The following AVEN variants were observed in gnomAD, a reference collection of about 807,000 sequenced individuals.
AVEN encodes the protein apoptosis and caspase activation inhibitor.
A neutral mutation model predicts 38.1 loss-of-function variants in AVEN; 41 were observed. That is an observed-to-expected ratio of 1.08 (90% CI 0.84 to 1.40). The LOEUF (loss-of-function observed/expected upper bound fraction) is 1.40. AVEN is among the 40% of genes most tolerant of loss of function. AVEN has a pLI of 0.00. For synonymous variants in AVEN, 206 were observed against 171.8 expected (o/e 1.20, Z -1.56); for missense variants, 605 against 438.8 (o/e 1.38, Z -3.38).
chr15:34,045,843 A>G (rs912932663), intron 5 of AVEN, among the ~76,000 whole-genome samples: 1 of 152,180 alleles, frequency 6.6e-6, no homozygotes, highest in Admixed American at 6.5e-5. Flanking sequence ...GCTTTGCTTC[A>G]TTTGTAATGT....
chr15:33,968,099 T>TAAAAAAAAAAAAAAAAAAAAA (rs71119906), intron 2 of AVEN, among the ~76,000 whole-genome samples: 2 of 25,852 alleles, frequency 7.7e-5, no homozygotes, highest in East Asian at 2.7e-3. Flanking sequence ...TAGCAAAGCT[T>TAAAAAAAAAAAAAAAAAAAAA]AAAAAAAAAA....
intron 1 of AVEN, among the ~76,000 whole-genome samples, chr15:34,016,235 A>AAAAAAC (rs951470489): frequency 5.3e-5 from 8 of 152,216 alleles, no homozygotes; most frequent in Non-Finnish European, 1.2e-4. Flanking sequence ...ACTCCATCTC[A>AAAAAAC]AAAAACAAAA....
chr15:33,864,909 AGGGGGATTTTTCTCCTT>A (rs1889944742), downstream of AVEN: 14 of 502,596 alleles, frequency 2.8e-5, no homozygotes, highest in East Asian at 3.7e-4. Context: ...TTTGGGGCAG[AGGGGGATTTTTCTCCTT>A]CCCTGCCAGC....
intron 1 of AVEN, among the ~76,000 whole-genome samples, chr15:34,036,025 G>A (rs934909996): frequency 9.2e-5 from 14 of 152,034 alleles, no homozygotes; most frequent in African/African-American, 3.1e-4. Flanking sequence ...CGAACTCCCA[G>A]ACTCAAGTGA....
At chr15:33,998,383 T>C (rs1897017787) in intron 2 of AVEN, among the ~76,000 whole-genome samples, 1 of 152,094 alleles carries the variant, frequency 6.6e-6, no homozygotes. Context: ...CCCAGGACTT[T>C]GGGAAGCCAA....
At chr15:34,033,519 A>G (rs553961075) in intron 1 of AVEN, among the ~76,000 whole-genome samples, 2,149 of 152,258 alleles carry the variant, frequency 0.014, 27 homozygotes, top group South Asian at 0.026. Context: ...AAAAAAAAAA[A>G]AATTGCAAAT....
At chr15:33,900,558 C>T (rs1892449895) in intron 2 of AVEN, among the ~76,000 whole-genome samples, 1 of 151,974 alleles carries the variant, frequency 6.6e-6, no homozygotes. Flanking sequence ...CTGCCCACCT[C>T]AGCCTCTCAA....
At chr15:34,027,245 C>T (rs796972074) in intron 1 of AVEN, among the ~76,000 whole-genome samples, 34 of 152,170 alleles carry the variant, frequency 2.2e-4, no homozygotes, top group African/African-American at 6.0e-4. Flanking sequence ...TGAACAGCCT[C>T]GGCTCATACC....
At chr15:33,936,416 C>T (rs906912241) in intron 2 of AVEN, among the ~76,000 whole-genome samples, 67 of 152,046 alleles carry the variant, frequency 4.4e-4, no homozygotes, top group African/African-American at 1.6e-3. Context: ...CTATAAAGTA[C>T]CTGAGAATAT....
chr15:34,051,526 C>T (rs1246049877), intron 5 of AVEN, among the ~76,000 whole-genome samples: 1 of 152,064 alleles, frequency 6.6e-6, no homozygotes, highest in Non-Finnish European at 1.5e-5. Flanking sequence ...ACAAGAAAAA[C>T]ACTTTCAAAA....
intron 2 of AVEN, chr15:33,991,656 C>T (rs537250505): frequency 3.3e-5 from 5 of 152,032 alleles, no homozygotes; most frequent in Admixed American, 6.5e-5. Flanking sequence ...AATGGATACA[C>T]TTTATCAGTA....
downstream of AVEN, among the ~76,000 whole-genome samples, chr15:33,861,708 TA>T (rs1317347995): frequency 6.6e-6 from 1 of 152,208 alleles, no homozygotes; most frequent in Non-Finnish European, 1.5e-5. Flanking sequence ...TGCATGTTGC[TA>T]AATTCTGTGT....
intron 2 of AVEN, among the ~76,000 whole-genome samples, chr15:34,068,973 G>A (rs990032298): frequency 3.3e-5 from 5 of 151,698 alleles, no homozygotes; most frequent in East Asian, 2.0e-4. Flanking sequence ...CACCACGCCC[G>A]GCTAATTTTT....
chr15:33,994,800 A>T (rs1002166450), intron 2 of AVEN, among the ~76,000 whole-genome samples: 1 of 152,016 alleles, frequency 6.6e-6, no homozygotes, highest in African/African-American at 2.4e-5. Context: ...TATATTCTCT[A>T]CTCTTAGATA....
intron 2 of AVEN, among the ~76,000 whole-genome samples, chr15:33,997,892 A>C (rs1439517617): frequency 6.6e-6 from 1 of 152,146 alleles, no homozygotes; most frequent in Non-Finnish European, 1.5e-5. Flanking sequence ...CTCACCTTAA[A>C]TTTATGAATA....
At position 34,038,833 on chromosome 15, in the gene AVEN, GGGCGC is replaced by G. The variant is rs1899304705; in HGVS notation, c.209_213del (p.Gly70AlafsTer20). ...CCCGGCTCCCGGCGGCTGCCTCGCG[GGGCGC>G]CTCCTCCTCCTCGGCCTCCGCGAGC... is the stretch of plus-strand genomic sequence containing the variant. On this transcript the variant is annotated frameshift_variant, in exon 1 of 6. Coordinates refer to ENST00000306730, the MANE Select transcript of AVEN (RefSeq NM_020371.3). LOFTEE classifies it high-confidence loss of function. 8.4e-7 allele frequency: 1 copy of G among 1,189,470 alleles called. No individual in the cohort carries two copies. Among genetic ancestry groups the G allele is most frequent in the Non-Finnish European group, 1.0e-6 (1 of 961,034 alleles). 73.7% of individuals were successfully genotyped at this position (1,189,470 alleles called of 1,614,324 possible).
In AVEN at chr15:33,958,590, C is replaced by CAA. The variant is rs72424138; in HGVS notation, c.445+44440_445+44441dup. ...TGGGCAAGACAGCAAGACCCTATCT[C>CAA]AAGAAAAAAAAAAAAAGGAAAAGAA... On this transcript the variant is annotated intron_variant, in intron 2 of 5. Transcript: ENST00000306730. 2.1e-3 allele frequency among the ~76,000 whole-genome samples: 291 copies of CAA among 141,610 alleles called. 1 individual carries two copies. The highest frequency in any genetic ancestry group is 7.9e-3 in the South Asian group (35 of 4,442). 92.9% of individuals were successfully genotyped at this position (141,610 alleles called of 152,430 possible). A position where few individuals can be genotyped will look rare whatever the true frequency, so the allele number is the denominator to read the frequency against.
chr15:33,898,470 C>T (rs1892340311), intron 2 of AVEN, among the ~76,000 whole-genome samples: 1 of 152,258 alleles, frequency 6.6e-6, no homozygotes, highest in Middle Eastern at 3.4e-3. Flanking sequence ...GAGGAGCTTC[C>T]CCTCATCTTC....
intron 1 of AVEN, among the ~76,000 whole-genome samples, chr15:34,008,954 G>T (rs2632071): frequency 9.7e-6 from 1 of 103,112 alleles, no homozygotes; most frequent in Admixed American, 1.0e-4. Context: ...GTGCGCGCGC[G>T]CACACACACA....
Sources: gnomAD v4.1 joint callset for allele counts (sites outside exome capture counted in the v4.1 genomes callset) on GRCh38, gnomAD v4.1.1 for gene constraint, MANE v1.5 for transcripts, NCBI Gene and HGNC (gene_info 2026-07-23, HGNC 2026-07-21) for gene names.